The following ARID3A variants were observed in gnomAD, a reference collection of about 807,000 sequenced individuals.
ARID3A encodes the protein AT-rich interaction domain 3A, also known as AT-rich interactive domain-containing protein 3A.
Under a neutral mutation model 52.7 loss-of-function variants are expected in ARID3A, and 11 were observed. The observed-to-expected ratio is 0.21, with a 90% CI of 0.13 to 0.35. The LOEUF is 0.35. Among genes scored for constraint, ARID3A ranks in the 10% least tolerant of loss-of-function variants. ARID3A has a pLI of 1.00. For synonymous variants in ARID3A, 404 were observed against 359.4 expected, an observed-to-expected ratio of 1.12 and a Z score of -1.40; for missense variants, 721 against 838.5, an observed-to-expected ratio of 0.86 and a Z score of 1.73.
chr19:964,573 G>A lies in ARID3A; in HGVS notation c.950+142G>A, dbSNP rs577749352. On this transcript the variant is annotated intron_variant, in intron 5 of 8. Coordinates refer to ENST00000263620, the MANE Select transcript of ARID3A (RefSeq NM_005224.3). The surrounding 1 kb of genome is among the most constrained non-coding windows in gnomAD (Gnocchi z 5.7). ...GCCGCAAAGGGCACAGGGCCACACCGTGCGTCCAGGGCCCGAGAGCGTCAA... is the reference window on the plus strand; with the variant it reads ...GCCGCAAAGGGCACAGGGCCACACCATGCGTCCAGGGCCCGAGAGCGTCAA... 439 of 1,262,126 alleles carry A rather than the reference G, an allele frequency of 3.5e-4. 3 individuals are homozygous for A. In the African/African-American group the frequency reaches 5.5e-3, roughly 16 times the overall value. The allele number at this position is 1,262,126 out of a possible 1,614,324, so 78.2% of individuals were successfully genotyped here.
chr19:950,022 G>A (rs546553998), intron 3 of ARID3A, among the ~76,000 whole-genome samples: 4 of 151,748 alleles, frequency 2.6e-5, no homozygotes, highest in Non-Finnish European at 5.9e-5. Flanking sequence ...CAAAGAGGCC[G>A]TCCCCAGAGT....
intron 8 of ARID3A, among the ~76,000 whole-genome samples, chr19:969,064 C>G (rs148776911): frequency 2.5e-3 from 371 of 151,320 alleles, no homozygotes; most frequent in South Asian, 0.016. Context: ...GCCTGGGCCA[C>G]AGACCGAGAC....
intron 3 of ARID3A, among the ~76,000 whole-genome samples, chr19:949,464 G>A (rs1037071201): frequency 3.3e-5 from 5 of 152,144 alleles, no homozygotes; most frequent in East Asian, 1.9e-4. Flanking sequence ...GAGAGGGGCC[G>A]GAAAGGGGAC....
chr19:963,957 G>A (rs1017004002), intron 4 of ARID3A, among the ~76,000 whole-genome samples: 2 of 152,170 alleles, frequency 1.3e-5, no homozygotes, highest in Non-Finnish European at 2.9e-5. Context: ...GGCGTCTCCC[G>A]CACGTCCCTC....
At chr19:935,315 A>T (rs2037416709) in intron 3 of ARID3A, among the ~76,000 whole-genome samples, 1 of 152,056 alleles carries the variant, frequency 6.6e-6, no homozygotes, top group Admixed American at 6.6e-5. Context: ...GACACCTGGA[A>T]CCTTGCTGCC....
rs183908430 is a variant in ARID3A at position 938,184 on chromosome 19, G to A, written c.693+5442G>A. ...ATCCTAGCCTCCTTGTGGGGGTGGC[G>A]TGGTTTCTCACTGTGGTTCTGATTT... On this transcript the variant is annotated intron_variant, in intron 3 of 8. Transcript: ENST00000263620. The surrounding 1 kb of genome is among the most constrained non-coding windows in gnomAD (Gnocchi z 4.0). 2.6e-5 allele frequency among the ~76,000 whole-genome samples: 4 copies of A among 152,228 alleles called. No homozygotes were observed. Among genetic ancestry groups the A allele is most frequent in the East Asian group, 1.9e-4 (1 of 5,174 alleles).
At chr19:932,822 G>A in intron 3 of ARID3A, 80 bp downstream of exon 3, 2 of 1,532,896 alleles carry the variant, frequency 1.3e-6, no homozygotes. Flanking sequence ...ACGTTGCACG[G>A]GGTGTGTGCT....
chr19:932,783 C>T (rs1346598495), intron 3 of ARID3A, 41 bp downstream of exon 3: 1 of 1,544,952 alleles, frequency 6.5e-7, no homozygotes, highest in Non-Finnish European at 8.7e-7. Flanking sequence ...GGCACCTGCT[C>T]CTGGGCCAGT....
At chr19:958,638 A>C (rs913207445) in intron 3 of ARID3A, among the ~76,000 whole-genome samples, 1 of 152,080 alleles carries the variant, frequency 6.6e-6, no homozygotes. Flanking sequence ...TCACGCCTGT[A>C]ATCCCAGCAC....
Position 966,813 on chromosome 19 carries a change from G to A in ARID3A, c.1440G>A (p.Gln480=). 3 of 1,613,598 alleles carry A rather than the reference G, an allele frequency of 1.9e-6. No individual in the cohort carries two copies. The highest frequency in any genetic ancestry group is 1.7e-4 in the Middle Eastern group (1 of 6,058). The change falls in exon 7 of 9, where the codon CAG becomes CAA. Residue 480 remains glutamine (Q), a synonymous_variant. Transcript: ENST00000263620. The part of the protein sequence containing the change: ...QQRLMQRALQ[Q]NFLAMAAQLP... ...GGCTGATGCAACGTGCACTCCAGCA[G>A]AACTTCCTGGCCATGGCGGCCCAGC...
intron 1 of ARID3A, among the ~76,000 whole-genome samples, chr19:927,392 A>C (rs970519340): frequency 1.3e-5 from 2 of 151,202 alleles, no homozygotes; most frequent in Admixed American, 6.6e-5. Flanking sequence ...GCCCTGACCT[A>C]GGGGGGAATC....
intron 2 of ARID3A, among the ~76,000 whole-genome samples, 190 bp from the exon 3 acceptor site, chr19:932,228 T>C (rs780122800): frequency 1.3e-5 from 2 of 152,100 alleles, no homozygotes; most frequent in Non-Finnish European, 2.9e-5. Flanking sequence ...TCTGGGCTAA[T>C]TGGAAACAAA....
At position 960,910 on chromosome 19, in the gene ARID3A, G is replaced by A. The variant is rs1156957804; in HGVS notation, c.766+746G>A. Among the ~76,000 whole-genome samples the A allele has an allele frequency of 5.3e-5, 8 of 152,286 alleles. No homozygotes were observed. In the South Asian group the frequency reaches 1.4e-3, roughly 28 times the overall value. ...GTCCAGACACAAGACAGACTCAGAC[G>A]ACCAAGGGTAGCCGGGGTGTCCCAG... On this transcript the variant is annotated intron_variant, in intron 4 of 8. Transcript: ENST00000263620. The surrounding 1 kb of genome is among the most constrained non-coding windows in gnomAD (Gnocchi z 4.3).
chr19:967,960 G>T (rs553937114), intron 7 of ARID3A, among the ~76,000 whole-genome samples: 1 of 151,212 alleles, frequency 6.6e-6, no homozygotes, highest in African/African-American at 2.4e-5. Context: ...CAGGAGAATT[G>T]CTTGAACCCT....
rs2038337014 is a variant in ARID3A at position 974,205 on chromosome 19, G to A, written c.*2140G>A. 4.4e-6 allele frequency: 1 copy of A among 225,380 alleles called. No homozygotes were observed. The highest frequency in any genetic ancestry group is 2.2e-5 in the African/African-American group (1 of 44,758). The allele number at this position is 225,380 out of a possible 1,614,324, so 14.0% of individuals were successfully genotyped here. A position where few individuals can be genotyped will look rare whatever the true frequency, so the allele number is the denominator to read the frequency against. Reference sequence around the variant, plus strand: ...TCACTTTCCCGTCGGGCTGTGGGAGGGGACTGTCACTTTCCTGTGTCTTTG... The same window carrying A: ...TCACTTTCCCGTCGGGCTGTGGGAGAGGACTGTCACTTTCCTGTGTCTTTG... On this transcript the variant is annotated 3_prime_UTR_variant, in exon 9 of 9. Coordinates refer to ENST00000263620, the MANE Select transcript of ARID3A (RefSeq NM_005224.3).
chr19:974,418 C>T lies in ARID3A; in HGVS notation c.*2353C>T, dbSNP rs1437426101. ...CAATCGGGCCCCACTCGCAGAACCA[C>T]CTGGACTCTGTCCGTGTCTGTCCCC... On this transcript the variant is annotated 3_prime_UTR_variant, in exon 9 of 9. Transcript: ENST00000263620. 4.3e-6 allele frequency: 1 copy of T among 231,014 alleles called. No homozygotes were observed. Among genetic ancestry groups the T allele is most frequent in the East Asian group, 6.1e-5 (1 of 16,376 alleles). The allele number at this position is 231,014 out of a possible 1,614,324, so 14.3% of individuals were successfully genotyped here.
At chr19:945,746 C>T (rs921689919) in intron 3 of ARID3A, among the ~76,000 whole-genome samples, 3 of 152,150 alleles carry the variant, frequency 2.0e-5, no homozygotes, top group Non-Finnish European at 4.4e-5. Context: ...ATTGTGGGGA[C>T]GGCGTCGACA....
At chr19:970,139 C>T (rs1016149781) in intron 8 of ARID3A, among the ~76,000 whole-genome samples, 20 of 151,660 alleles carry the variant, frequency 1.3e-4, no homozygotes, top group African/African-American at 4.6e-4. Context: ...ATGGTGAAAC[C>T]CCATCTTCCC....
Position 929,781 on chromosome 19 carries a change from C to T in ARID3A, c.253C>T (p.Pro85Ser). The T allele has an allele frequency of 3.9e-6, 6 of 1,548,866 alleles. No individual in the cohort carries two copies. Among genetic ancestry groups the T allele is most frequent in the South Asian group, 1.2e-5 (1 of 84,630 alleles). Residue 85 changes from proline to serine, a missense_variant, in exon 2 of 9, where the codon CCC becomes TCC. Physicochemically the swap from Pro to Ser is moderately conservative, Grantham distance 74. Transcript: ENST00000263620. The surrounding 1 kb of genome is among the most constrained non-coding windows in gnomAD (Gnocchi z 6.2). ...CAGCCCCGGCGGCTCTGAGGATGGG[C>T]CCCCAGGCTCGGAGGAGGAGGACGC... ...PASPGGSEDG[P>S]PGSEEEDAAR...
Sources: allele counts gnomAD v4.1 joint callset (sites outside exome capture counted in the v4.1 genomes callset), GRCh38; gene constraint gnomAD v4.1.1; non-coding constraint Gnocchi (gnomAD v3.1); transcripts MANE v1.5; gene names NCBI Gene and HGNC (gene_info 2026-07-23, HGNC 2026-07-21).